SYNJ2: variants seen among roughly 807,000 people sequenced by gnomAD.
SYNJ2 encodes polyphosphatidylinositol phosphatase SYNJ2.
In SYNJ2, 116 loss-of-function variants were observed where a neutral mutation model predicts 141.3. The ratio of observed to expected loss-of-function variants is 0.82; its 90% CI spans 0.71 to 0.96. SYNJ2 has a LOEUF of 0.96. Ranked by LOEUF, SYNJ2 falls within the 40% of genes least tolerant of loss-of-function variation. The pLI is 0.00. For missense variants in SYNJ2, 1,873 were observed against 1,934.8 expected, an observed-to-expected ratio of 0.97 and a Z score of 0.60; for synonymous variants, 745 against 777.7, an observed-to-expected ratio of 0.96 and a Z score of 0.70.
chr6:158,050,762 G>A (rs912591672), intron 5 of SYNJ2, among the ~76,000 whole-genome samples: 2 of 152,200 alleles, frequency 1.3e-5, no homozygotes, highest in Non-Finnish European at 2.9e-5. Flanking sequence ...TTTGCTGCCT[G>A]TTCCCTGGAC....
chr6:158,071,916 G>T lies in SYNJ2; in HGVS notation c.2133+122G>T. The T allele has an allele frequency of 8.5e-7, 1 of 1,178,234 alleles. No homozygotes were observed. 73.0% of individuals were successfully genotyped at this position (1,178,234 alleles called of 1,614,324 possible). A position where few individuals can be genotyped will look rare whatever the true frequency, so the allele number is the denominator to read the frequency against. ...GGAGGGCCCCTTCCTGGAGGGCTCA[G>T]CGCTGGGGGAGGGGGAGAGGGCTAT... is the stretch of plus-strand genomic sequence containing the variant. On this transcript the variant is annotated intron_variant, in intron 15 of 26. Transcript: ENST00000355585. The surrounding 1 kb of genome is among the most constrained non-coding windows in gnomAD (Gnocchi z 4.3).
At chr6:158,049,164 C>A (rs1198572269) in intron 5 of SYNJ2, among the ~76,000 whole-genome samples, 2 of 152,190 alleles carry the variant, frequency 1.3e-5, no homozygotes, top group East Asian at 3.8e-4. Flanking sequence ...TACCTAACCT[C>A]AGTCTCTGGT....
At chr6:158,051,759 C>A (rs1292435660) in intron 5 of SYNJ2, among the ~76,000 whole-genome samples, 2 of 146,284 alleles carry the variant, frequency 1.4e-5, no homozygotes, top group African/African-American at 5.1e-5. Context: ...CCAACGTGGG[C>A]AGCATGGCGA....
intron 1 of SYNJ2, among the ~76,000 whole-genome samples, chr6:158,002,817 C>T (rs1297210792): frequency 6.6e-6 from 1 of 152,216 alleles, no homozygotes. Context: ...AAGGAACTGC[C>T]CATTGTGCTG....
intron 2 of SYNJ2, among the ~76,000 whole-genome samples, chr6:158,021,224 C>T (rs540012285): frequency 1.3e-5 from 2 of 152,292 alleles, no homozygotes; most frequent in South Asian, 2.1e-4. Context: ...TTGTGCAGTA[C>T]GCAACCTGTG....
chr6:158,083,320 G>A, intron 20 of SYNJ2, 109 bp from the exon 21 acceptor site: 2 of 1,320,018 alleles, frequency 1.5e-6, no homozygotes, highest in Non-Finnish European at 2.1e-6. Context: ...GGCCAAATGT[G>A]AAGATTGGCC....
intron 3 of SYNJ2, chr6:158,031,026 T>C (rs1203260909): frequency 1.3e-5 from 2 of 152,254 alleles, no homozygotes; most frequent in Non-Finnish European, 2.9e-5. Flanking sequence ...CCAGTGCTGC[T>C]TGTCTGCAGA....
rs1779886921 is a variant in SYNJ2 at position 158,040,480 on chromosome 6, C to T, written c.712-2836C>T. ...AGTCATAGCTGGTGGGCTTGCTCTG[C>T]AGTGCTGACTCACCACACAGAAAAA... On this transcript the variant is annotated intron_variant, in intron 4 of 26. Transcript: ENST00000355585. The surrounding 1 kb of genome is among the most constrained non-coding windows in gnomAD (Gnocchi z 4.2). Among the ~76,000 whole-genome samples, 1 of 151,626 alleles carries T rather than the reference C, an allele frequency of 6.6e-6. No individual in the cohort carries two copies. Among genetic ancestry groups the T allele is most frequent in the South Asian group, 2.1e-4 (1 of 4,816 alleles).
chr6:158,025,979 G>GCATACATACATA (rs147538629), intron 2 of SYNJ2, among the ~76,000 whole-genome samples: 8,119 of 133,884 alleles, frequency 0.061, 276 homozygotes, highest in South Asian at 0.17. Flanking sequence ...AATAATACAT[G>GCATACATACATA]CATACATACA....
intron 7 of SYNJ2, 37 bp downstream of exon 7, chr6:158,059,390 C>T (rs1278477298): frequency 2.6e-6 from 4 of 1,545,892 alleles, no homozygotes; most frequent in Admixed American, 2.0e-5. Context: ...CTGGGCTGGG[C>T]GGCAGGTGGC....
intron 21 of SYNJ2, 136 bp downstream of exon 21, chr6:158,083,733 T>C (rs945881198): frequency 3.4e-6 from 4 of 1,182,326 alleles, no homozygotes; most frequent in Admixed American, 2.1e-5. Context: ...TCCCATGTGA[T>C]GAGCATGTTT....
intron 1 of SYNJ2, among the ~76,000 whole-genome samples, chr6:157,987,781 C>G (rs1777261377): frequency 6.6e-6 from 1 of 152,328 alleles, no homozygotes; most frequent in Admixed American, 6.5e-5. Context: ...ACTATAGTTA[C>G]CATGCTATGC....
intron 21 of SYNJ2, 90 bp from the exon 22 acceptor site, chr6:158,083,911 G>A: frequency 2.7e-6 from 4 of 1,466,970 alleles, no homozygotes. Flanking sequence ...CACGTGTCCT[G>A]ACAGGAGCTG....
intron 4 of SYNJ2, among the ~76,000 whole-genome samples, chr6:158,039,324 G>A (rs1340852490): frequency 1.3e-5 from 2 of 152,268 alleles, no homozygotes; most frequent in African/African-American, 4.8e-5. Flanking sequence ...GCCACCTGCT[G>A]AGGATGGTTC....
intron 4 of SYNJ2, among the ~76,000 whole-genome samples, chr6:158,036,740 A>G (rs111958554): frequency 1.3e-5 from 2 of 152,300 alleles, no homozygotes; most frequent in East Asian, 1.9e-4. Flanking sequence ...GCGTTTACCT[A>G]TGTAACAAAC....
At position 158,070,070 on chromosome 6, in the gene SYNJ2, G is replaced by A. The variant is rs1781823008; in HGVS notation, c.1940+397G>A. 2 of 834,704 alleles carry A rather than the reference G, an allele frequency of 2.4e-6. No homozygotes were observed. The highest frequency in any genetic ancestry group is 3.7e-5 in the African/African-American group (2 of 54,324). 51.7% of individuals were successfully genotyped at this position (834,704 alleles called of 1,614,324 possible). ...TTTAAAAGAATTCTAAGTAGAACGTGTGGGCCTCTACAACTGTGACCTCAT... is the reference window on the plus strand; with the variant it reads ...TTTAAAAGAATTCTAAGTAGAACGTATGGGCCTCTACAACTGTGACCTCAT... On this transcript the variant is annotated intron_variant, in intron 14 of 26. Coordinates refer to ENST00000355585, the MANE Select transcript of SYNJ2 (RefSeq NM_003898.4). The surrounding 1 kb of genome is among the most constrained non-coding windows in gnomAD (Gnocchi z 4.0).
intron 1 of SYNJ2, among the ~76,000 whole-genome samples, chr6:158,013,924 G>C (rs771036119): frequency 1.6e-4 from 25 of 152,330 alleles, no homozygotes; most frequent in African/African-American, 5.8e-4. Flanking sequence ...ACTGTATTCA[G>C]GTTTGTGTTC....
At chr6:158,081,900 C>T (rs571330045) in intron 20 of SYNJ2, among the ~76,000 whole-genome samples, 46 of 152,166 alleles carry the variant, frequency 3.0e-4, no homozygotes, top group African/African-American at 1.0e-3. Flanking sequence ...GTCATCCTCC[C>T]GCCTCGATCT....
At chr6:158,016,371 C>T (rs1283251803) in intron 1 of SYNJ2, among the ~76,000 whole-genome samples, 4 of 152,184 alleles carry the variant, frequency 2.6e-5, no homozygotes, top group African/African-American at 9.7e-5. Flanking sequence ...GCCTTCGCCT[C>T]CCAAAGTGCT....
Sources: allele counts gnomAD v4.1 joint callset (sites outside exome capture counted in the v4.1 genomes callset), GRCh38; gene constraint gnomAD v4.1.1; non-coding constraint Gnocchi (gnomAD v3.1); transcripts MANE v1.5; gene names NCBI Gene and HGNC (gene_info 2026-07-23, HGNC 2026-07-21).